The following BABAM2 variants were observed in gnomAD, a reference collection of about 807,000 sequenced individuals.
The protein encoded by BABAM2 is BRISC and BRCA1-A complex member 2.
A neutral mutation model predicts 54.7 loss-of-function variants in BABAM2; 31 were observed. That is an observed-to-expected ratio of 0.57 (90% confidence interval 0.43 to 0.77). The LOEUF is 0.77. BABAM2 is among the 30% of genes least tolerant of loss of function. BABAM2 has a pLI of 0.00. For missense variants in BABAM2, 364 were observed against 455.8 expected (o/e 0.80, Z 1.83); for synonymous variants, 167 against 162.9 (o/e 1.03, Z -0.19).
chr2:28,157,402 C>G (rs1672645540), intron 7 of BABAM2, among the ~76,000 whole-genome samples: 1 of 152,174 alleles, frequency 6.6e-6, no homozygotes, highest in South Asian at 2.1e-4. Flanking sequence ...CCTTGGCAAA[C>G]TTAGTTAGCT....
intron 2 of BABAM2, among the ~76,000 whole-genome samples, chr2:27,898,001 T>C (rs1287268632): frequency 6.6e-6 from 1 of 152,220 alleles, no homozygotes; most frequent in Non-Finnish European, 1.5e-5. Context: ...TTTGTGGTTT[T>C]GACTTTGATT....
At chr2:28,273,533 A>C (rs1034709408) in intron 10 of BABAM2, among the ~76,000 whole-genome samples, 2 of 152,216 alleles carry the variant, frequency 1.3e-5, no homozygotes, top group African/African-American at 4.8e-5. Context: ...AGCCTGGCCA[A>C]CATAGTGAAA....
At chr2:28,179,030 T>C (rs1675334188) in intron 7 of BABAM2, among the ~76,000 whole-genome samples, 1 of 152,070 alleles carries the variant, frequency 6.6e-6, no homozygotes, top group Non-Finnish European at 1.5e-5. Context: ...TAGGACAAAA[T>C]AGCTTTACTG....
intron 8 of BABAM2, among the ~76,000 whole-genome samples, chr2:28,238,651 C>G (rs1192677822): frequency 6.6e-6 from 1 of 152,200 alleles, no homozygotes; most frequent in Admixed American, 6.5e-5. Flanking sequence ...CCAAATCTCC[C>G]CAGCCTCTGC....
At chr2:28,052,301 T>TC (rs1235986108) in intron 6 of BABAM2, among the ~76,000 whole-genome samples, 1 of 151,316 alleles carries the variant, frequency 6.6e-6, no homozygotes, top group Non-Finnish European at 1.5e-5. Flanking sequence ...TTTTTTTTTT[T>TC]CCAATAGACA....
intron 7 of BABAM2, among the ~76,000 whole-genome samples, chr2:28,142,200 C>T (rs1035961417): frequency 7.2e-5 from 11 of 152,146 alleles, no homozygotes; most frequent in Non-Finnish European, 1.5e-4. Flanking sequence ...TGGAGTTTTT[C>T]TAGACTTGTT....
chr2:28,176,014 AC>A, intron 7 of BABAM2, among the ~76,000 whole-genome samples: 1 of 152,324 alleles, frequency 6.6e-6, no homozygotes, highest in East Asian at 1.9e-4. Flanking sequence ...TCCTGCATGC[AC>A]CCAGAATCAA....
intron 7 of BABAM2, among the ~76,000 whole-genome samples, chr2:28,204,811 C>T (rs148055572): frequency 2.6e-5 from 4 of 152,204 alleles, no homozygotes; most frequent in Admixed American, 2.0e-4. Flanking sequence ...ATTTTGAATT[C>T]ACCAAATCCC....
At chr2:28,248,207 C>CTTTTTCTTTCTTTTTTTTTTTTTT (rs1553349503) in intron 10 of BABAM2, among the ~76,000 whole-genome samples, 1 of 54,306 alleles carries the variant, frequency 1.8e-5, no homozygotes, top group African/African-American at 6.7e-5. Context: ...TTTTCTTTTT[C>CTTTTTCTTTCTTTTTTTTTTTTTT]TTTTTTTTTT....
chr2:28,112,789 T>G (rs2148731834), intron 6 of BABAM2, among the ~76,000 whole-genome samples: 1 of 152,316 alleles, frequency 6.6e-6, no homozygotes, highest in East Asian at 1.9e-4. Flanking sequence ...CCACACTGTC[T>G]TCCACAATGG....
intron 6 of BABAM2, among the ~76,000 whole-genome samples, chr2:28,114,595 T>C (rs1031285464): frequency 1.3e-5 from 2 of 152,244 alleles, no homozygotes; most frequent in African/African-American, 2.4e-5. Flanking sequence ...TTATTATGCT[T>C]GTCACAATGC....
chr2:27,914,479 A>T (rs1312335449), intron 2 of BABAM2, among the ~76,000 whole-genome samples: 2 of 152,138 alleles, frequency 1.3e-5, no homozygotes, highest in East Asian at 3.8e-4. Context: ...TGATCCAGTT[A>T]GTCTCTATAC....
At chr2:27,952,015 C>T (rs1251747006) in intron 3 of BABAM2, among the ~76,000 whole-genome samples, 1 of 152,174 alleles carries the variant, frequency 6.6e-6, no homozygotes, top group Non-Finnish European at 1.5e-5. Context: ...TTGTCTACTT[C>T]TTCTTGCTGT....
chr2:28,076,795 G>T (rs566048949), intron 6 of BABAM2, among the ~76,000 whole-genome samples: 4 of 152,006 alleles, frequency 2.6e-5, no homozygotes, highest in East Asian at 3.9e-4. Context: ...GAGCCACCGC[G>T]CCCAGCCCAT....
intron 10 of BABAM2, among the ~76,000 whole-genome samples, chr2:28,259,114 A>G: frequency 1.7e-5 from 1 of 59,670 alleles, no homozygotes; most frequent in African/African-American, 7.1e-5. Context: ...TTTCAGACTG[A>G]GTCTTGCTCT....
At chr2:27,981,875 G>A (rs190597191) in intron 3 of BABAM2, among the ~76,000 whole-genome samples, 18 of 152,224 alleles carry the variant, frequency 1.2e-4, no homozygotes, top group Admixed American at 8.5e-4. Flanking sequence ...GTATACCTAC[G>A]AGTGGATTTG....
At chr2:28,138,595 T>C (rs562716488) in intron 7 of BABAM2, among the ~76,000 whole-genome samples, 2 of 152,332 alleles carry the variant, frequency 1.3e-5, no homozygotes, top group Non-Finnish European at 2.9e-5. Flanking sequence ...AGAATAGTCA[T>C]TATATCTTCA....
At chr2:28,046,280 C>A (rs1677561143) in intron 6 of BABAM2, among the ~76,000 whole-genome samples, 1 of 152,020 alleles carries the variant, frequency 6.6e-6, no homozygotes, top group African/African-American at 2.4e-5. Flanking sequence ...CATGGTGAAA[C>A]CCTGTCTCTA....
intron 6 of BABAM2, among the ~76,000 whole-genome samples, chr2:28,075,356 A>C (rs569563858): frequency 6.6e-6 from 1 of 152,306 alleles, no homozygotes; most frequent in East Asian, 1.9e-4. Flanking sequence ...CTCCTAACAA[A>C]TTAGTAATAG....
Sources: allele counts gnomAD v4.1 joint callset (sites outside exome capture counted in the v4.1 genomes callset), GRCh38; gene constraint gnomAD v4.1.1; transcripts MANE v1.5; gene names NCBI Gene and HGNC (gene_info 2026-07-23, HGNC 2026-07-21).